ATP10A: variants seen among roughly 807,000 people sequenced by gnomAD.
ATP10A encodes the protein ATPase phospholipid transporting 10A (putative).
In ATP10A, 111 loss-of-function variants were observed where a neutral mutation model predicts 147.8. The observed-to-expected ratio is 0.75, with a 90% CI of 0.64 to 0.88. ATP10A has a LOEUF of 0.88. ATP10A is among the 40% of genes least tolerant of loss of function. ATP10A has a pLI of 0.00. For missense variants in ATP10A, 1,927 were observed against 1,959.0 expected (o/e 0.98, Z 0.31); for synonymous variants, 875 against 841.6 (o/e 1.04, Z -0.69).
intron 1 of ATP10A, 24 bp from the exon 2 acceptor site, chr15:25,781,247 A>C: frequency 6.3e-7 from 1 of 1,588,844 alleles, no homozygotes; most frequent in Non-Finnish European, 8.6e-7. Context: ...TTTGATTAAC[A>C]AAACTCACGA....
chr15:25,853,954 A>G (rs372591693), intron 1 of ATP10A, among the ~76,000 whole-genome samples: 1 of 102,520 alleles, frequency 9.8e-6, no homozygotes, highest in Non-Finnish European at 2.2e-5. Context: ...AAAAAAAAAG[A>G]AAAAAAAAAA....
At chr15:25,785,140 A>G (rs576417178) in intron 1 of ATP10A, among the ~76,000 whole-genome samples, 16 of 152,002 alleles carry the variant, frequency 1.1e-4, no homozygotes, top group African/African-American at 3.4e-4. Flanking sequence ...GCCCACATCA[A>G]CCCTGCCATG....
intron 1 of ATP10A, among the ~76,000 whole-genome samples, chr15:25,802,968 T>A (rs887700603): frequency 3.3e-5 from 5 of 152,204 alleles, no homozygotes; most frequent in African/African-American, 1.2e-4. Context: ...ATTTTACATA[T>A]GAGGGTGTGG....
intron 10 of ATP10A, among the ~76,000 whole-genome samples, chr15:25,713,256 G>A (rs1901552885): frequency 6.6e-6 from 1 of 152,196 alleles, no homozygotes; most frequent in Non-Finnish European, 1.5e-5. Flanking sequence ...CAGTGGGGGA[G>A]GCCAGCATCC....
At chr15:25,731,097 C>T (rs1434549599) in intron 3 of ATP10A, among the ~76,000 whole-genome samples, 1 of 152,174 alleles carries the variant, frequency 6.6e-6, no homozygotes, top group Non-Finnish European at 1.5e-5. Flanking sequence ...TACTAACCAC[C>T]GTCTCTGAAG....
rs1305816912 is a variant in ATP10A, at chr15:25,712,412, T to C, written c.2344+1262A>G. On this transcript the variant is annotated intron_variant, in intron 10 of 20. Coordinates refer to ENST00000555815, the MANE Select transcript of ATP10A (RefSeq NM_024490.4). ...CTGGACAGGCCTCGCCTGCCAGCGC[T>C]GGGCAGCCCCCACATGCCAGGGCCA... Among the ~76,000 whole-genome samples, 7 of 152,318 alleles carry C rather than the reference T, an allele frequency of 4.6e-5. No individual in the cohort carries two copies. In the East Asian group the frequency reaches 1.4e-3, roughly 29 times the overall value.
At chr15:25,689,622 A>G (rs1382256242) in intron 15 of ATP10A, among the ~76,000 whole-genome samples, 2 of 152,232 alleles carry the variant, frequency 1.3e-5, no homozygotes, top group African/African-American at 4.8e-5. Context: ...TGGTAAGGAA[A>G]GGTATCAAGC....
chr15:25,776,589 T>C (rs1419891213), intron 2 of ATP10A, among the ~76,000 whole-genome samples: 4 of 152,198 alleles, frequency 2.6e-5, no homozygotes, highest in African/African-American at 7.2e-5. Flanking sequence ...ATAACATCCA[T>C]TCAACTCCAA....
At chr15:25,767,584 G>T (rs1889095178) in intron 2 of ATP10A, among the ~76,000 whole-genome samples, 1 of 152,206 alleles carries the variant, frequency 6.6e-6, no homozygotes, top group African/African-American at 2.4e-5. Flanking sequence ...CAGCGTGGTG[G>T]TTCTTAGTGC....
intron 1 of ATP10A, among the ~76,000 whole-genome samples, chr15:25,826,547 G>T (rs1359693111): frequency 6.6e-6 from 1 of 152,128 alleles, no homozygotes; most frequent in Non-Finnish European, 1.5e-5. Context: ...AGGCAACAGA[G>T]CCAGACTTTG....
chr15:25,695,170 C>G, intron 13 of ATP10A, 24 bp from the exon 14 acceptor site: 1 of 1,582,574 alleles, frequency 6.3e-7, no homozygotes, highest in Non-Finnish European at 8.6e-7. Context: ...GAGAGGACAG[C>G]GCAGTTCCCT....
Position 25,769,510 on chromosome 15 carries a change from AAAAGAC to A in ATP10A, c.654+11503_654+11508del, listed in dbSNP as rs1889225068. Among the ~76,000 whole-genome samples the A allele has an allele frequency of 3.3e-5, 5 of 150,724 alleles. No homozygotes were observed. In the South Asian group the frequency reaches 1.1e-3, roughly 32 times the overall value. ...TCAAAAAAAAAAAAAAAAAAAAAAA[AAAAGAC>A]ATGCATATACTAACCATAACCATCA... On this transcript the variant is annotated intron_variant, in intron 2 of 20. Coordinates refer to ENST00000555815, the MANE Select transcript of ATP10A (RefSeq NM_024490.4).
At chr15:25,791,347 TTC>T (rs1890414969) in intron 1 of ATP10A, among the ~76,000 whole-genome samples, 1 of 152,080 alleles carries the variant, frequency 6.6e-6, no homozygotes, top group Non-Finnish European at 1.5e-5. Flanking sequence ...CCTTCAATCT[TTC>T]TTTTTTTCTT....
intron 1 of ATP10A, among the ~76,000 whole-genome samples, chr15:25,852,965 A>G (rs1338390246): frequency 2.6e-5 from 4 of 152,192 alleles, no homozygotes; most frequent in Admixed American, 2.6e-4. Context: ...ATTTCCAGCA[A>G]ACTTTCAGAG....
chr15:25,807,828 A>C (rs897987012), intron 1 of ATP10A, among the ~76,000 whole-genome samples: 1 of 151,466 alleles, frequency 6.6e-6, no homozygotes, highest in Non-Finnish European at 1.5e-5. Flanking sequence ...GAAAAAGAAA[A>C]AAAAAACCCA....
downstream of ATP10A, among the ~76,000 whole-genome samples, chr15:25,674,575 C>T (rs1314489452): frequency 1.3e-5 from 2 of 152,212 alleles, no homozygotes; most frequent in African/African-American, 4.8e-5. Context: ...CAGCTTCATT[C>T]TGAAGGCATA....
At chr15:25,848,095 GGCAACACA>G (rs1490147900) in intron 1 of ATP10A, among the ~76,000 whole-genome samples, 9 of 150,972 alleles carry the variant, frequency 6.0e-5, no homozygotes, top group Admixed American at 1.3e-4. Context: ...AGACCAGCCT[GGCAACACA>G]GCAAGACCTG....
intron 1 of ATP10A, among the ~76,000 whole-genome samples, chr15:25,847,037 A>G (rs139629988): frequency 7.4e-4 from 113 of 152,240 alleles, no homozygotes; most frequent in African/African-American, 2.7e-3. Context: ...TAACATATAC[A>G]TTTTTCTAAA....
intron 10 of ATP10A, chr15:25,709,092 G>C (rs1460057009): frequency 6.6e-6 from 1 of 152,174 alleles, no homozygotes. Context: ...AGTGATCACT[G>C]GTTCTTGGAG....
Sources: allele counts gnomAD v4.1 joint callset (sites outside exome capture counted in the v4.1 genomes callset), GRCh38; gene constraint gnomAD v4.1.1; transcripts MANE v1.5; gene names NCBI Gene and HGNC (gene_info 2026-07-23, HGNC 2026-07-21).